PIK3C2G: variants seen among roughly 807,000 people sequenced by gnomAD.
The protein encoded by PIK3C2G is phosphatidylinositol-4-phosphate 3-kinase catalytic subunit type 2 gamma, also known as phosphatidylinositol 3-kinase C2 domain-containing subunit gamma.
Under a neutral mutation model 181.1 loss-of-function variants are expected in PIK3C2G, and 168 were observed. That is an observed-to-expected ratio of 0.93 (90% CI 0.82 to 1.05). The LOEUF (loss-of-function observed/expected upper bound fraction) is 1.05. Ranked by LOEUF, PIK3C2G falls within the 50% of genes least tolerant of loss-of-function variation. PIK3C2G has a pLI of 0.00. For synonymous variants in PIK3C2G, 573 were observed against 592.2 expected (o/e 0.97, Z 0.47); for missense variants, 1,869 against 1,732.8 (o/e 1.08, Z -1.40).
chr12:18,613,781 C>T (rs116629919), intron 31 of PIK3C2G, among the ~76,000 whole-genome samples: 183 of 152,136 alleles, frequency 1.2e-3, no homozygotes, highest in African/African-American at 4.3e-3. Flanking sequence ...GAAAAAATAA[C>T]CCAAGTGGCT....
chr12:18,702,818 C>CTTTTTTTTTT, the PIK3C2G span, among the ~76,000 whole-genome samples: 2 of 116,600 alleles, frequency 1.7e-5, no homozygotes, highest in African/African-American at 3.4e-5. Context: ...GATAAAGTAA[C>CTTTTTTTTTT]TTTTTTTTTT....
At chr12:18,405,210 C>G (rs183534079) in intron 16 of PIK3C2G, among the ~76,000 whole-genome samples, 3 of 152,206 alleles carry the variant, frequency 2.0e-5, no homozygotes, top group Admixed American at 2.0e-4. Flanking sequence ...GCCTGGTATG[C>G]AGTTGTGTAT....
chr12:18,578,888 C>T (rs924191828), intron 29 of PIK3C2G, among the ~76,000 whole-genome samples: 35 of 151,826 alleles, frequency 2.3e-4, no homozygotes, highest in African/African-American at 7.5e-4. Flanking sequence ...TGAATACTTC[C>T]GTAATAGAAT....
chr12:18,562,802 A>G lies in PIK3C2G; in HGVS notation c.3690A>G (p.Ser1230=), dbSNP rs1392782530. 1.2e-6 allele frequency: 2 copies of G among 1,608,326 alleles called. No homozygotes were observed. Among genetic ancestry groups the G allele is most frequent in the South Asian group, 2.2e-5 (2 of 89,714 alleles). The change falls in exon 27 of 33, where the codon TCA becomes TCG. Residue 1230 remains serine (S), a synonymous_variant. Coordinates refer to ENST00000538779, the MANE Select transcript of PIK3C2G (RefSeq NM_001288772.2). Reference sequence around the variant, plus strand: ...CCATAAGCCCTGCCAAATCTACTTCACAGACTTTTCCTCAGGAATCCTGTT... The same window carrying G: ...CCATAAGCCCTGCCAAATCTACTTCGCAGACTTTTCCTCAGGAATCCTGTT... ...MSAISPAKST[S]QTFPQESCLL... is the part of the protein sequence containing the mutation.
the PIK3C2G span, among the ~76,000 whole-genome samples, chr12:18,662,210 C>A: frequency 6.6e-6 from 1 of 152,006 alleles, no homozygotes; most frequent in Non-Finnish European, 1.5e-5. Context: ...ATAGCATAGG[C>A]ACTATGCTCA....
At chr12:18,525,905 A>G (rs903995220) in intron 24 of PIK3C2G, among the ~76,000 whole-genome samples, 4 of 152,200 alleles carry the variant, frequency 2.6e-5, no homozygotes, top group African/African-American at 9.7e-5. Context: ...CAGTCTTATC[A>G]CAACGTTGTT....
chr12:18,648,011 G>A lies in PIK3C2G; in HGVS notation c.4444G>A (p.Gly1482Arg). 6.3e-7 allele frequency: 1 copy of A among 1,593,754 alleles called. No homozygotes were observed. The highest frequency in any genetic ancestry group is 8.6e-7 in the Non-Finnish European group (1 of 1,169,476). ...PLDKEKWYPL[G>R]NSII The stretch of plus-strand genomic sequence containing the variant: ...CGATAAAGAAAAATGGTATCCATTA[G>A]GAAACAGTATAATTTGACCATTGCT... Residue 1482 changes from glycine (G) to arginine (R), a missense_variant, in exon 33 of 33, where the codon GGA becomes AGA. By Grantham distance (125) the Gly-to-Arg change is moderately radical. Coordinates refer to ENST00000538779, the MANE Select transcript of PIK3C2G (RefSeq NM_001288772.2).
chr12:18,692,123 T>G, the PIK3C2G span, among the ~76,000 whole-genome samples: 2 of 152,074 alleles, frequency 1.3e-5, no homozygotes, highest in Non-Finnish European at 1.5e-5. Context: ...AGCCAGGTAA[T>G]GGGGAGCAGA....
intron 13 of PIK3C2G, among the ~76,000 whole-genome samples, chr12:18,381,545 A>C (rs1169196821): frequency 3.3e-5 from 5 of 152,228 alleles, no homozygotes; most frequent in Admixed American, 3.3e-4. Context: ...GTGCAAAATA[A>C]ATGTAGGCAT....
At chr12:18,593,881 T>C (rs1419778632) in intron 29 of PIK3C2G, among the ~76,000 whole-genome samples, 5 of 151,818 alleles carry the variant, frequency 3.3e-5, no homozygotes, top group Admixed American at 6.6e-5. Context: ...GAATACCTTA[T>C]GCATCTTTCT....
chr12:18,297,878 A>T (rs376273849), intron 5 of PIK3C2G, among the ~76,000 whole-genome samples: 1 of 152,150 alleles, frequency 6.6e-6, no homozygotes, highest in East Asian at 1.9e-4. Context: ...ATAATTGAAC[A>T]GTATTCCATT....
chr12:18,495,569 T>C (rs1192761900), intron 20 of PIK3C2G, among the ~76,000 whole-genome samples: 1 of 152,150 alleles, frequency 6.6e-6, no homozygotes, highest in East Asian at 1.9e-4. Flanking sequence ...GAGGGAGAGG[T>C]TACTTTCTCC....
chr12:18,598,648 G>C (rs1947517311), intron 30 of PIK3C2G, among the ~76,000 whole-genome samples: 1 of 147,796 alleles, frequency 6.8e-6, no homozygotes, highest in Non-Finnish European at 1.5e-5. Flanking sequence ...ATTGACAAAT[G>C]GGATCTAATT....
intron 18 of PIK3C2G, among the ~76,000 whole-genome samples, chr12:18,461,501 T>G (rs1355482300): frequency 9.9e-5 from 15 of 152,206 alleles, no homozygotes; most frequent in Non-Finnish European, 1.5e-5. Flanking sequence ...AATATTCTAC[T>G]TACTTTGATC....
intron 22 of PIK3C2G, among the ~76,000 whole-genome samples, chr12:18,499,705 G>A (rs1941271700): frequency 6.6e-6 from 1 of 152,196 alleles, no homozygotes; most frequent in African/African-American, 2.4e-5. Flanking sequence ...AGGCTCAAAG[G>A]TTGATTGCAA....
intron 18 of PIK3C2G, among the ~76,000 whole-genome samples, chr12:18,441,221 T>C (rs1946730924): frequency 6.6e-6 from 1 of 152,080 alleles, no homozygotes; most frequent in Non-Finnish European, 1.5e-5. Flanking sequence ...ATAGAGGTCA[T>C]TGGAGGTCAT....
At chr12:18,613,801 A>T (rs1055888292) in intron 31 of PIK3C2G, among the ~76,000 whole-genome samples, 5 of 152,082 alleles carry the variant, frequency 3.3e-5, no homozygotes, top group Non-Finnish European at 7.4e-5. Flanking sequence ...TAGTACCCTA[A>T]TGTCCCAAAT....
intron 5 of PIK3C2G, among the ~76,000 whole-genome samples, chr12:18,304,655 G>A (rs941111730): frequency 6.6e-6 from 1 of 152,156 alleles, no homozygotes; most frequent in African/African-American, 2.4e-5. Context: ...TGAGAAAAAG[G>A]CTAAGTCATA....
intron 18 of PIK3C2G, among the ~76,000 whole-genome samples, chr12:18,432,381 A>G (rs191119038): frequency 7.9e-4 from 121 of 152,272 alleles, no homozygotes; most frequent in African/African-American, 2.8e-3. Flanking sequence ...GGACCCACCC[A>G]GGCCTTTGGG....
Sources: allele counts gnomAD v4.1 joint callset (sites outside exome capture counted in the v4.1 genomes callset), GRCh38; gene constraint gnomAD v4.1.1; transcripts MANE v1.5; gene names NCBI Gene and HGNC (gene_info 2026-07-23, HGNC 2026-07-21).